Variants in NCAPG observed in about 807,000 individuals in gnomAD.
NCAPG encodes the protein non-SMC condensin I complex subunit G, also known as condensin complex subunit 3.
NCAPG carries 69 observed loss-of-function variants against 113.1 expected under a neutral mutation model. The observed-to-expected ratio is 0.61, with a 90% CI of 0.50 to 0.75. The LOEUF is 0.75. NCAPG is among the 30% of genes least tolerant of loss of function. The probability of loss-of-function intolerance (pLI) is 0.00; values close to 1 mark genes in which losing one functional copy is unlikely to be tolerated. For synonymous variants in NCAPG, 370 were observed against 415.8 expected (o/e 0.89, Z 1.34); for missense variants, 1,058 against 1,177.0 (o/e 0.90, Z 1.48).
rs1722255675 is a variant in NCAPG at position 17,839,668 on chromosome 4, T to C, written c.2467-8T>C. 2 of 1,483,468 alleles carry C rather than the reference T, an allele frequency of 1.3e-6. No homozygotes were observed. The highest frequency in any genetic ancestry group is 1.5e-5 in the African/African-American group (1 of 68,834). The allele number at this position is 1,483,468 out of a possible 1,614,324, so 91.9% of individuals were successfully genotyped here. ...CAATTTACAGAGAATTTTCTCTTAATTTTTTAGGCCTTAACAGTACATGAC... is the reference window on the plus strand; with the variant it reads ...CAATTTACAGAGAATTTTCTCTTAACTTTTTAGGCCTTAACAGTACATGAC... On this transcript the variant is annotated splice_region_variant and splice_polypyrimidine_tract_variant and intron_variant, in intron 16 of 20. Coordinates refer to ENST00000251496, the MANE Select transcript of NCAPG (RefSeq NM_022346.5).
Position 17,812,191 on chromosome 4 carries a change from A to G in NCAPG, c.112-30A>G, listed in dbSNP as rs776438876. The G allele has an allele frequency of 3.2e-6, 5 of 1,562,542 alleles. No homozygotes were observed. The South Asian group carries it at 4.5e-5, about 14-fold the overall frequency. ...GGGAATAAAGGATTTTTATCGGTGC[A>G]GTTTATGAAGGGTTTCTTTTGTCTT... On this transcript the variant is annotated intron_variant, in intron 1 of 20. Transcript: ENST00000251496.
At position 17,837,676 on chromosome 4, in the gene NCAPG, C is replaced by T. The variant is rs765215058; in HGVS notation, c.2341C>T (p.Leu781=). The T allele has an allele frequency of 3.1e-6, 5 of 1,614,012 alleles. No individual in the cohort carries two copies. The South Asian group carries it at 5.5e-5, about 18-fold the overall frequency. Residue 781 remains leucine, a synonymous_variant, in exon 16 of 21, where the codon CTG becomes TTG. Coordinates refer to ENST00000251496, the MANE Select transcript of NCAPG (RefSeq NM_022346.5). ...EEAFLPTLQT[L]ANAPASSPLA... Reference sequence around the variant, plus strand: ...AGCTTTTCTTCCAACCCTGCAAACACTGGCCAATGCCCCTGCATCTTCTCC... The same window carrying T: ...AGCTTTTCTTCCAACCCTGCAAACATTGGCCAATGCCCCTGCATCTTCTCC...
intron 12 of NCAPG, among the ~76,000 whole-genome samples, chr4:17,830,380 G>T (rs1216902852): frequency 6.6e-6 from 1 of 151,410 alleles, no homozygotes; most frequent in Non-Finnish European, 1.5e-5. Context: ...GTGACAGCGT[G>T]AGACTCTGTC....
chr4:17,834,563 T>G, intron 14 of NCAPG, 40 bp downstream of exon 14: 1 of 1,274,210 alleles, frequency 7.8e-7, no homozygotes, highest in Non-Finnish European at 1.1e-6. Context: ...AAATGTCATT[T>G]TCAGCATGTA....
intron 14 of NCAPG, 66 bp from the exon 15 acceptor site, chr4:17,837,093 G>A: frequency 7.1e-7 from 1 of 1,407,542 alleles, no homozygotes; most frequent in Non-Finnish European, 9.9e-7. Context: ...TGTAGGACAG[G>A]CTACATTGAG....
intron 18 of NCAPG, among the ~76,000 whole-genome samples, 174 bp from the exon 19 acceptor site, chr4:17,840,433 G>C (rs1722308997): frequency 6.6e-6 from 1 of 151,916 alleles, no homozygotes; most frequent in South Asian, 2.1e-4. Flanking sequence ...ATCTTTTTAA[G>C]AGTTTTGCTT....
intron 13 of NCAPG, among the ~76,000 whole-genome samples, chr4:17,833,859 A>G (rs1293682933): frequency 2.0e-5 from 3 of 152,212 alleles, no homozygotes; most frequent in African/African-American, 7.2e-5. Context: ...TACTGTTCTA[A>G]TGAATGCCTT....
In NCAPG at chr4:17,843,281, G is replaced by C. The variant is rs199720084; in HGVS notation, c.2925-21G>C. 1.9e-6 allele frequency: 3 copies of C among 1,597,644 alleles called. No individual in the cohort carries two copies. The African/African-American group carries it at 4.0e-5, about 22-fold the overall frequency. On this transcript the variant is annotated intron_variant, in intron 20 of 20. Coordinates refer to ENST00000251496, the MANE Select transcript of NCAPG (RefSeq NM_022346.5). ...TTTTAAAGCTTGTATCTAAATTCGTGTATTTTCAACATCTATTTAGTGATC... is the reference window on the plus strand; with the variant it reads ...TTTTAAAGCTTGTATCTAAATTCGTCTATTTTCAACATCTATTTAGTGATC...
At chr4:17,836,891 G>A (rs961484758) in intron 14 of NCAPG, among the ~76,000 whole-genome samples, 9 of 152,026 alleles carry the variant, frequency 5.9e-5, no homozygotes, top group Non-Finnish European at 1.0e-4. Flanking sequence ...AGTTATAAAA[G>A]GCCTTTTGGT....
At chr4:17,816,249 G>T (rs1009790218) in intron 5 of NCAPG, among the ~76,000 whole-genome samples, 1 of 152,036 alleles carries the variant, frequency 6.6e-6, no homozygotes, top group Non-Finnish European at 1.5e-5. Flanking sequence ...CCTCATGTGC[G>T]CAGTTCACAA....
At chr4:17,842,793 T>A (rs1191652455) in intron 20 of NCAPG, 1 of 169,178 alleles carries the variant, frequency 5.9e-6, no homozygotes, top group Non-Finnish European at 1.3e-5. Context: ...CAAGCCACTG[T>A]TAGAGCTGAA....
In NCAPG at chr4:17,817,422, C is replaced by A; in HGVS notation, c.937C>A (p.Leu313Met). The change falls in exon 6 of 21, where the codon CTG becomes ATG. Residue 313 changes from leucine to methionine, a missense_variant. Physicochemically the swap from Leu to Met is conservative, Grantham distance 15 (BLOSUM62 2). Transcript: ENST00000251496. ...GTTTTCAATAACTCCTCTCAGTGAA[C>A]TGGTGGGACTCTGTAAAAACAATGA... ...ALFSITPLSE[L>M]VGLCKNNDGR... The A allele has an allele frequency of 6.2e-7, 1 of 1,614,066 alleles. No individual in the cohort carries two copies. Among genetic ancestry groups the A allele is most frequent in the Non-Finnish European group, 8.5e-7 (1 of 1,179,958 alleles).
chr4:17,820,329 C>T (rs1183065005), intron 7 of NCAPG, among the ~76,000 whole-genome samples: 2 of 152,022 alleles, frequency 1.3e-5, no homozygotes, highest in African/African-American at 4.8e-5. Flanking sequence ...CGGCTGGGTG[C>T]GGTGGCTCAT....
At chr4:17,835,539 C>G (rs77358437) in intron 14 of NCAPG, among the ~76,000 whole-genome samples, 1 of 152,104 alleles carries the variant, frequency 6.6e-6, no homozygotes, top group Non-Finnish European at 1.5e-5. Context: ...TTAGTACATT[C>G]AAAATGAAAG....
At chr4:17,824,877 T>C (rs560099715) in intron 9 of NCAPG, 91 bp from the exon 10 acceptor site, 4 of 797,018 alleles carry the variant, frequency 5.0e-6, no homozygotes, top group African/African-American at 3.5e-5. Context: ...ATTCAATATA[T>C]GGTGGATACT....
At position 17,840,208 on chromosome 4, in the gene NCAPG, T is replaced by C. The variant is rs1220918889; in HGVS notation, c.2766T>C (p.Asp922=). The C allele has an allele frequency of 6.3e-6, 10 of 1,595,528 alleles. No homozygotes were observed. The East Asian group carries it at 1.3e-4, about 22-fold the overall frequency. The change falls in exon 18 of 21, where the codon GAT becomes GAC. Residue 922 remains aspartate, a splice_region_variant and synonymous_variant. Transcript: ENST00000251496. ...CTACAACTACTTTCCAAAATGAAGA[T>C]GGTAATCACATACTGAACAGAATAT... ...TLTTTTFQNE[D]EKNKEVYMTP...
At chr4:17,828,499 A>G (rs892781170) in intron 12 of NCAPG, 111 bp downstream of exon 12, 1 of 537,476 alleles carries the variant, frequency 1.9e-6, no homozygotes, top group East Asian at 3.2e-5. Flanking sequence ...TAAATATCTG[A>G]TAAGTATAAA....
intron 1 of NCAPG, among the ~76,000 whole-genome samples, chr4:17,812,016 A>T (rs1308162536): frequency 6.6e-6 from 1 of 152,244 alleles, no homozygotes; most frequent in African/African-American, 2.4e-5. Context: ...TCAAAAGTCA[A>T]GCTTGTGTAC....
chr4:17,839,708 A>C lies in NCAPG; in HGVS notation c.2499A>C (p.Lys833Asn). The C allele has an allele frequency of 6.4e-7, 1 of 1,564,074 alleles. No individual in the cohort carries two copies. The highest frequency in any genetic ancestry group is 8.6e-7 in the Non-Finnish European group (1 of 1,165,332). Residue 833 changes from lysine (K) to asparagine (N), a missense_variant, in exon 17 of 21, where the codon AAA becomes AAC. Coordinates refer to ENST00000251496, the MANE Select transcript of NCAPG (RefSeq NM_022346.5). ...ALTVHDNLAM[K>N]ICNEILTSPC... ...CAGTACATGACAATTTGGCTATGAA[A>C]ATTTGCAATGAGATCTTAACAAGTC...
Sources: gnomAD v4.1 joint callset for allele counts (sites outside exome capture counted in the v4.1 genomes callset) on GRCh38, gnomAD v4.1.1 for gene constraint, MANE v1.5 for transcripts, NCBI Gene and HGNC (gene_info 2026-07-23, HGNC 2026-07-21) for gene names.